The following PACRG variants were observed in gnomAD, a reference collection of about 807,000 sequenced individuals.
PACRG encodes the protein parkin coregulated, also known as parkin coregulated gene protein.
In PACRG, 29 loss-of-function variants were observed where a neutral mutation model predicts 29.7. That is an observed-to-expected ratio of 0.98 (90% CI 0.73 to 1.33). The LOEUF (loss-of-function observed/expected upper bound fraction) is 1.33. Ranked by LOEUF, PACRG falls within the 40% of genes most tolerant of loss-of-function variation. The pLI is 0.00. For missense variants in PACRG, 279 were observed against 316.2 expected (o/e 0.88, Z 0.89); for synonymous variants, 116 against 118.7 (o/e 0.98, Z 0.15).
At chr6:162,727,723 C>A (rs1249491775), upstream of PACRG, 5 of 1,535,858 alleles carry the variant, frequency 3.3e-6, no homozygotes, top group Non-Finnish European at 4.4e-6. Flanking sequence ...CGCGCAGCGG[C>A]GCCAGCCGCG....
At chr6:163,268,212 A>G (rs1210456624) in intron 4 of PACRG, among the ~76,000 whole-genome samples, 1 of 152,134 alleles carries the variant, frequency 6.6e-6, no homozygotes, top group African/African-American at 2.4e-5. Flanking sequence ...CATCCTGGCC[A>G]ACATGGTGAA....
At chr6:162,768,242 G>A (rs1398094757) in intron 1 of PACRG, among the ~76,000 whole-genome samples, 1 of 152,016 alleles carries the variant, frequency 6.6e-6, no homozygotes, top group Non-Finnish European at 1.5e-5. Flanking sequence ...GTAATTAGAG[G>A]ATAATAGTGA....
At chr6:162,957,373 G>T in intron 2 of PACRG, 1 of 618,486 alleles carries the variant, frequency 1.6e-6, no homozygotes. Context: ...ATGTTTTTTT[G>T]TTTTGGACAA....
At chr6:163,259,470 C>A (rs1306626359) in intron 4 of PACRG, among the ~76,000 whole-genome samples, 1 of 152,158 alleles carries the variant, frequency 6.6e-6, no homozygotes, top group Non-Finnish European at 1.5e-5. Flanking sequence ...AGCCACTGAA[C>A]CATACTGATT....
At chr6:163,303,772 G>A (rs1415763260) in intron 4 of PACRG, among the ~76,000 whole-genome samples, 1 of 151,946 alleles carries the variant, frequency 6.6e-6, no homozygotes, top group Non-Finnish European at 1.5e-5. Context: ...ACTTTGGGGG[G>A]CTGAGACGGG....
intron 4 of PACRG, among the ~76,000 whole-genome samples, chr6:163,196,297 C>T (rs1365000738): frequency 2.0e-5 from 3 of 152,206 alleles, no homozygotes; most frequent in Non-Finnish European, 4.4e-5. Context: ...ATGACACCGT[C>T]GTCCCTCCCC....
chr6:162,797,838 G>A (rs1435014755), intron 1 of PACRG, among the ~76,000 whole-genome samples: 1 of 151,826 alleles, frequency 6.6e-6, no homozygotes, highest in Non-Finnish European at 1.5e-5. Context: ...TATATATTGA[G>A]TTTCTTATTT....
intron 2 of PACRG, among the ~76,000 whole-genome samples, chr6:162,867,561 G>A (rs1047196337): frequency 1.3e-5 from 2 of 152,128 alleles, no homozygotes; most frequent in Admixed American, 1.3e-4. Flanking sequence ...TCCGCTCCCA[G>A]ACTATTCAAA....
At chr6:162,805,036 G>A (rs1219348484) in intron 1 of PACRG, among the ~76,000 whole-genome samples, 1 of 152,170 alleles carries the variant, frequency 6.6e-6, no homozygotes, top group African/African-American at 2.4e-5. Context: ...AATGTAAGAA[G>A]ATGGTAAGTA....
chr6:163,022,814 A>C (rs976524031), intron 2 of PACRG, among the ~76,000 whole-genome samples: 1 of 152,220 alleles, frequency 6.6e-6, no homozygotes, highest in Non-Finnish European at 1.5e-5. Flanking sequence ...TAATATGTTA[A>C]CATTGAATTG....
intron 2 of PACRG, among the ~76,000 whole-genome samples, chr6:162,883,526 A>G (rs765961904): frequency 6.6e-6 from 1 of 152,156 alleles, no homozygotes; most frequent in African/African-American, 2.4e-5. Context: ...AAGTTTAGAC[A>G]GTGGTTTTAT....
At chr6:163,051,284 T>C in intron 2 of PACRG, 1 of 152,218 alleles carries the variant, frequency 6.6e-6, no homozygotes, top group Middle Eastern at 3.1e-3. Flanking sequence ...TCTATGCTCA[T>C]TGGTCTGTTG....
In PACRG at chr6:162,966,922, A is replaced by G. The variant is rs142219785; in HGVS notation, c.292-95228A>G. ...TCTTTCTGGCTCATAAGGAAGAGAA[A>G]TTTGTGTAATTACATCAAAATTATA... On this transcript the variant is annotated intron_variant, in intron 2 of 4. Transcript: ENST00000366888. Among the ~76,000 whole-genome samples, 134 of 152,342 alleles carry G rather than the reference A, an allele frequency of 8.8e-4. No individual in the cohort carries two copies. In the East Asian group the frequency reaches 0.025, roughly 28 times the overall value.
chr6:162,848,808 C>T (rs1262322684), intron 2 of PACRG, among the ~76,000 whole-genome samples: 1 of 152,212 alleles, frequency 6.6e-6, no homozygotes, highest in Non-Finnish European at 1.5e-5. Flanking sequence ...GCCTAGATGA[C>T]AGAAATGCAG....
intron 2 of PACRG, among the ~76,000 whole-genome samples, chr6:162,900,119 T>C (rs540253328): frequency 4.1e-4 from 62 of 152,018 alleles, no homozygotes; most frequent in South Asian, 2.1e-3. Flanking sequence ...CAGAGCATGG[T>C]CAGGCCGGAA....
intron 1 of PACRG, among the ~76,000 whole-genome samples, chr6:162,732,791 A>G (rs1779873404): frequency 6.6e-6 from 1 of 152,156 alleles, no homozygotes; most frequent in Non-Finnish European, 1.5e-5. Context: ...TCTTTCTGGT[A>G]CAATGTTCTG....
At chr6:163,159,863 C>T (rs1263858456) in intron 4 of PACRG, among the ~76,000 whole-genome samples, 5 of 152,122 alleles carry the variant, frequency 3.3e-5, no homozygotes, top group Admixed American at 2.0e-4. Flanking sequence ...CCCTCCCCTT[C>T]GGTGGCCCCG....
intron 1 of PACRG, among the ~76,000 whole-genome samples, chr6:162,749,552 G>C (rs953622577): frequency 6.6e-6 from 1 of 152,022 alleles, no homozygotes; most frequent in Non-Finnish European, 1.5e-5. Flanking sequence ...ACGGGGTCTT[G>C]CTCTGTCGCC....
intron 4 of PACRG, among the ~76,000 whole-genome samples, chr6:163,293,618 T>C (rs1314917753): frequency 6.6e-6 from 1 of 152,176 alleles, no homozygotes; most frequent in Non-Finnish European, 1.5e-5. Flanking sequence ...GTAACTAAAA[T>C]ATGTAACTTC....
Sources: gnomAD v4.1 joint callset for allele counts (sites outside exome capture counted in the v4.1 genomes callset) on GRCh38, gnomAD v4.1.1 for gene constraint, MANE v1.5 for transcripts, NCBI Gene and HGNC (gene_info 2026-07-23, HGNC 2026-07-21) for gene names.